The following SMAD3 variants were observed in gnomAD, a reference collection of about 807,000 sequenced individuals.
The protein encoded by SMAD3 is SMAD family member 3.
Under a neutral mutation model 51.8 loss-of-function variants are expected in SMAD3, and 12 were observed. The observed-to-expected ratio is 0.23, with a 90% CI of 0.15 to 0.38. The LOEUF is 0.38. SMAD3 is among the 10% of genes least tolerant of loss of function. The probability of loss-of-function intolerance (pLI) is 1.00; values close to 1 mark genes in which losing one functional copy is unlikely to be tolerated. For synonymous variants in SMAD3, 238 were observed against 227.7 expected, an observed-to-expected ratio of 1.05 and a Z score of -0.41; for missense variants, 294 against 565.6, an observed-to-expected ratio of 0.52 and a Z score of 4.87.
intron 1 of SMAD3, among the ~76,000 whole-genome samples, chr15:67,146,447 G>C (rs567463704): frequency 6.6e-6 from 1 of 152,346 alleles, no homozygotes; most frequent in African/African-American, 2.4e-5. Flanking sequence ...CAGAGCAGCT[G>C]TCAGTGGAGG....
intron 1 of SMAD3, among the ~76,000 whole-genome samples, chr15:67,089,645 C>G (rs1316239656): frequency 6.6e-6 from 1 of 152,154 alleles, no homozygotes; most frequent in Non-Finnish European, 1.5e-5. Flanking sequence ...TCCTCGTGTC[C>G]CTCAGAAAAG....
chr15:67,072,592 T>C (rs1317547863), intron 1 of SMAD3, among the ~76,000 whole-genome samples: 2 of 152,246 alleles, frequency 1.3e-5, no homozygotes, highest in Non-Finnish European at 1.5e-5. Context: ...TAGTGTTGGT[T>C]GGCTGGCAAG....
intron 1 of SMAD3, among the ~76,000 whole-genome samples, chr15:67,141,356 G>A (rs1216121214): frequency 1.3e-5 from 2 of 152,230 alleles, no homozygotes; most frequent in Non-Finnish European, 2.9e-5. Context: ...GCCCTGCACA[G>A]GGATGGTTCC....
intron 1 of SMAD3, among the ~76,000 whole-genome samples, chr15:67,114,952 C>T (rs1961103055): frequency 6.6e-6 from 1 of 152,168 alleles, no homozygotes; most frequent in African/African-American, 2.4e-5. Flanking sequence ...CTTTTCACAC[C>T]TCCTGTCTCA....
chr15:67,102,944 C>T (rs1960793472), intron 1 of SMAD3, among the ~76,000 whole-genome samples: 2 of 152,198 alleles, frequency 1.3e-5, no homozygotes, highest in Non-Finnish European at 2.9e-5. Flanking sequence ...TCCTAGACTC[C>T]TCTGTACCTT....
chr15:67,088,795 C>G (rs148586558), intron 1 of SMAD3, among the ~76,000 whole-genome samples: 1 of 152,032 alleles, frequency 6.6e-6, no homozygotes, highest in East Asian at 1.9e-4. Flanking sequence ...GGTGTGGTGG[C>G]GGGTGCCTGT....
At chr15:67,168,212 C>T (rs1413983602) in intron 4 of SMAD3, among the ~76,000 whole-genome samples, 1 of 152,240 alleles carries the variant, frequency 6.6e-6, no homozygotes, top group African/African-American at 2.4e-5. Context: ...GCTTCGACCT[C>T]CCAAAGTGCT....
At chr15:67,097,227 T>A (rs1960633760) in intron 1 of SMAD3, among the ~76,000 whole-genome samples, 1 of 152,062 alleles carries the variant, frequency 6.6e-6, no homozygotes, top group Non-Finnish European at 1.5e-5. Flanking sequence ...GTTTTTTGTT[T>A]TTGTAGGGGA....
intron 1 of SMAD3, among the ~76,000 whole-genome samples, chr15:67,122,164 G>T (rs1961280305): frequency 6.6e-6 from 1 of 152,226 alleles, no homozygotes; most frequent in African/African-American, 2.4e-5. Context: ...GAGTCCTACA[G>T]AGGTTAAGTT....
intron 1 of SMAD3, among the ~76,000 whole-genome samples, chr15:67,147,960 T>TC (rs1289720075): frequency 6.6e-6 from 1 of 152,192 alleles, no homozygotes; most frequent in Admixed American, 6.5e-5. Flanking sequence ...AAGTTTTCTC[T>TC]CTCATCCTTT....
intron 5 of SMAD3, among the ~76,000 whole-genome samples, chr15:67,175,225 G>A (rs1962858132): frequency 6.6e-6 from 1 of 152,194 alleles, no homozygotes; most frequent in African/African-American, 2.4e-5. Context: ...AGCCATGACT[G>A]AGGAAAATAA....
intron 1 of SMAD3, among the ~76,000 whole-genome samples, chr15:67,103,819 G>T (rs1362426814): frequency 6.6e-6 from 1 of 152,210 alleles, no homozygotes; most frequent in African/African-American, 2.4e-5. Flanking sequence ...TACCGTGAGT[G>T]ACCACCCTGG....
intron 1 of SMAD3, among the ~76,000 whole-genome samples, chr15:67,128,711 G>A (rs1448270219): frequency 6.6e-6 from 1 of 151,942 alleles, no homozygotes; most frequent in African/African-American, 2.4e-5. Flanking sequence ...AGCTGGGACT[G>A]CAGGTGCACG....
At chr15:67,087,912 C>G (rs1241211114) in intron 1 of SMAD3, among the ~76,000 whole-genome samples, 2 of 152,108 alleles carry the variant, frequency 1.3e-5, no homozygotes, top group Non-Finnish European at 1.5e-5. Context: ...ATTGTTTTTG[C>G]TGTGATGCCA....
intron 1 of SMAD3, among the ~76,000 whole-genome samples, chr15:67,120,380 T>G (rs1961232020): frequency 6.6e-6 from 1 of 152,222 alleles, no homozygotes; most frequent in African/African-American, 2.4e-5. Context: ...CATGCCATGC[T>G]GTTTCTTTGG....
chr15:67,174,561 G>A (rs1162597949), intron 5 of SMAD3: 2 of 152,330 alleles, frequency 1.3e-5, no homozygotes, highest in East Asian at 3.9e-4. Flanking sequence ...GAGCTTTTAG[G>A]GAGCAGTGTG....
chr15:67,187,542 C>A (rs767740768), intron 8 of SMAD3, 33 bp downstream of exon 8: 1 of 1,613,700 alleles, frequency 6.2e-7, no homozygotes, highest in South Asian at 1.1e-5. Flanking sequence ...ATCAGGGGAC[C>A]CAACTCCAGG....
chr15:67,074,647 A>AGTATT (rs1357380838), intron 1 of SMAD3, among the ~76,000 whole-genome samples: 1 of 152,142 alleles, frequency 6.6e-6, no homozygotes, highest in African/African-American at 2.4e-5. Context: ...TTAGGACTCC[A>AGTATT]GTATTGTATT....
At chr15:67,183,072 C>T (rs1195932380) in intron 6 of SMAD3, among the ~76,000 whole-genome samples, 6 of 114,632 alleles carry the variant, frequency 5.2e-5, no homozygotes, top group Non-Finnish European at 9.9e-5. Context: ...GACCAAGTCT[C>T]GCTCTTGTCT....
Sources: gnomAD v4.1 joint callset for allele counts (sites outside exome capture counted in the v4.1 genomes callset) on GRCh38, gnomAD v4.1.1 for gene constraint, MANE v1.5 for transcripts, NCBI Gene and HGNC (gene_info 2026-07-23, HGNC 2026-07-21) for gene names.